The following NKX2-8 variants were observed in gnomAD, a reference collection of about 807,000 sequenced individuals.
NKX2-8 encodes the protein NK2 homeobox 8.
NKX2-8 carries 8 observed loss-of-function variants against 6.4 expected under a neutral mutation model. The observed-to-expected ratio is 1.24, with a 90% CI of 0.73 to 2.24. NKX2-8 has a LOEUF of 2.24. NKX2-8 is among the 30% of genes most tolerant of loss of function. NKX2-8 has a pLI of 0.00. For synonymous variants in NKX2-8, 216 were observed against 171.5 expected (o/e 1.26, Z -2.03); for missense variants, 406 against 351.1 (o/e 1.16, Z -1.25).
Position 36,581,391 on chromosome 14 carries a change from C to T in NKX2-8, c.231G>A (p.Pro77=). The stretch of plus-strand genomic sequence containing the variant: ...TCTTCCTTTTCTCGGCGTCCGAGCC[C>T]GGAGACGCGGGCCTAGCGGACGGCC... ...SQRPSARPAS[P]GSDAEKRKKR... The change falls in exon 2 of 2, where the codon CCG becomes CCA. Residue 77 remains proline, a synonymous_variant. Coordinates refer to ENST00000258829, the MANE Select transcript of NKX2-8 (RefSeq NM_014360.4). This position sits in a 1 kb window ranked among gnomAD's most constrained non-coding sequence, Gnocchi z 5.6. 1 of 1,595,742 alleles carries T rather than the reference C, an allele frequency of 6.3e-7. No individual in the cohort carries two copies. Among genetic ancestry groups the T allele is most frequent in the Non-Finnish European group, 8.5e-7 (1 of 1,171,808 alleles).
rs564328665 is a variant in NKX2-8, at chr14:36,582,305, C to G, written c.85G>C (p.Glu29Gln). The G allele has an allele frequency of 9.4e-5, 151 of 1,607,896 alleles. No homozygotes were observed. In the East Asian group the frequency reaches 3.1e-3, roughly 34 times the overall value. ...EQDAQHLPRR[E>Q]PEPRAPQPDP... ...GGCTGGGGGGCGCGTGGTTCTGGCTCCCGCCTCGGCAGGTGTTGCGCGTCC... is the reference window on the plus strand; with the variant it reads ...GGCTGGGGGGCGCGTGGTTCTGGCTGCCGCCTCGGCAGGTGTTGCGCGTCC... Residue 29 changes from glutamate (E) to glutamine (Q), a missense_variant, in exon 1 of 2, where the codon GAG (glutamate) becomes CAG (glutamine). Glu to Gln is a conservative substitution (Grantham distance 29, BLOSUM62 2). Coordinates refer to ENST00000258829, the MANE Select transcript of NKX2-8 (RefSeq NM_014360.4).
chr14:36,581,600 C>T lies in NKX2-8; in HGVS notation c.158-136G>A. 2.8e-6 allele frequency: 2 copies of T among 709,428 alleles called. No individual in the cohort carries two copies. Among genetic ancestry groups the T allele is most frequent in the South Asian group, 2.0e-5 (1 of 50,588 alleles). The allele number at this position is 709,428 out of a possible 1,614,324, so 43.9% of individuals were successfully genotyped here. A position where few individuals can be genotyped will look rare whatever the true frequency, so the allele number is the denominator to read the frequency against. ...CGAGACTTTCGGGATGAGGCCATTT[C>T]CTGAGTCCACATCTGGACATCCACC... On this transcript the variant is annotated intron_variant, in intron 1 of 1. Transcript: ENST00000258829. The surrounding 1 kb of genome is among the most constrained non-coding windows in gnomAD (Gnocchi z 5.6).
In NKX2-8 at chr14:36,582,503, T is replaced by G. The variant is rs1156307587; in HGVS notation, c.-114A>C. The G allele has an allele frequency of 3.8e-6, 4 of 1,052,506 alleles. No homozygotes were observed. The highest frequency in any genetic ancestry group is 1.7e-5 in the African/African-American group (1 of 60,588). The allele number at this position is 1,052,506 out of a possible 1,614,324, so 65.2% of individuals were successfully genotyped here. On this transcript the variant is annotated 5_prime_UTR_variant, in exon 1 of 2. Coordinates refer to ENST00000258829, the MANE Select transcript of NKX2-8 (RefSeq NM_014360.4). ...GCTCGCCATGCGCTGGCAGCCGGGA[T>G]ATTAGCGCATTTACAGCGGAATCTC...
chr14:36,581,091 G>T lies in NKX2-8; in HGVS notation c.531C>A (p.Asp177Glu), dbSNP rs770169979. 16 of 1,415,958 alleles carry T rather than the reference G, an allele frequency of 1.1e-5. No individual in the cohort carries two copies. Among genetic ancestry groups the T allele is most frequent in the Non-Finnish European group, 1.5e-5 (16 of 1,096,946 alleles). The allele number at this position is 1,415,958 out of a possible 1,614,324, so 87.7% of individuals were successfully genotyped here. A position where few individuals can be genotyped will look rare whatever the true frequency, so the allele number is the denominator to read the frequency against. Residue 177 changes from aspartate (D) to glutamate (E), a missense_variant, in exon 2 of 2, where the codon GAC (aspartate) becomes GAA (glutamate). Transcript: ENST00000258829. The surrounding 1 kb of genome is among the most constrained non-coding windows in gnomAD (Gnocchi z 5.6). Reference protein sequence around the residue: ...RRVVVPVLVRDGQPCGGGGGG... With the variant: ...RRVVVPVLVREGQPCGGGGGG... ...CGCCGCCGCCGCCGCACGGCTGCCCGTCGCGAACAAGCACCGGCACCACCA... is the reference window on the plus strand; with the variant it reads ...CGCCGCCGCCGCCGCACGGCTGCCCTTCGCGAACAAGCACCGGCACCACCA...
Position 36,581,575 on chromosome 14 carries a change from CGAGACTTTCGGGAT to C in NKX2-8, c.158-125_158-112del. ...TGGCCAGAGGGCACGCCCACTAGCC[CGAGACTTTCGGGAT>C]GAGGCCATTTCCTGAGTCCACATCT... On this transcript the variant is annotated intron_variant, in intron 1 of 1. Transcript: ENST00000258829. This position sits in a 1 kb window ranked among gnomAD's most constrained non-coding sequence, Gnocchi z 5.6. 1.1e-6 allele frequency: 1 copy of C among 946,122 alleles called. No homozygotes were observed. The highest frequency in any genetic ancestry group is 1.5e-6 in the Non-Finnish European group (1 of 645,716). 58.6% of individuals were successfully genotyped at this position (946,122 alleles called of 1,614,324 possible). A position where few individuals can be genotyped will look rare whatever the true frequency, so the allele number is the denominator to read the frequency against.
rs7158653 is a variant in NKX2-8, at chr14:36,582,379, G to C, written c.11C>G (p.Ser4Cys). Residue 4 changes from serine to cysteine, a missense_variant, in exon 1 of 2, where the codon TCT becomes TGT. Transcript: ENST00000258829. MAT[S>C]GRLSFTVRSL... is the part of the protein sequence containing the mutation. ...GCGCACGGTGAAGCTCAGGCGTCCAGAGGTGGCCATGGCCGAGGAGGGGAA... is the reference window on the plus strand; with the variant it reads ...GCGCACGGTGAAGCTCAGGCGTCCACAGGTGGCCATGGCCGAGGAGGGGAA... 2 of 1,526,748 alleles carry C rather than the reference G, an allele frequency of 1.3e-6. No homozygotes were observed. Among genetic ancestry groups the C allele is most frequent in the African/African-American group, 2.8e-5 (2 of 71,976 alleles). 94.6% of individuals were successfully genotyped at this position (1,526,748 alleles called of 1,614,324 possible). A position where few individuals can be genotyped will look rare whatever the true frequency, so the allele number is the denominator to read the frequency against.
rs1451801508 is a variant in NKX2-8, at chr14:36,581,729, G to C, written c.158-265C>G. ...GGGGCCCTCTTAACATGTCCGCACCGGTAGTTGCGCTGGCCGACCAGTTTA... is the reference window on the plus strand; with the variant it reads ...GGGGCCCTCTTAACATGTCCGCACCCGTAGTTGCGCTGGCCGACCAGTTTA... On this transcript the variant is annotated intron_variant, in intron 1 of 1. Coordinates refer to ENST00000258829, the MANE Select transcript of NKX2-8 (RefSeq NM_014360.4). The surrounding 1 kb of genome is among the most constrained non-coding windows in gnomAD (Gnocchi z 5.6). 1.3e-5 allele frequency among the ~76,000 whole-genome samples: 2 copies of C among 152,198 alleles called. 1 individual carries two copies. Among genetic ancestry groups the C allele is most frequent in the Middle Eastern group, 6.3e-3 (2 of 316 alleles).
chr14:36,581,006 AGGC>A lies in NKX2-8; in HGVS notation c.613_615del (p.Ala205del), dbSNP rs775463623. On this transcript the variant is annotated inframe_deletion, in exon 2 of 2. Coordinates refer to ENST00000258829, the MANE Select transcript of NKX2-8 (RefSeq NM_014360.4). This position sits in a 1 kb window ranked among gnomAD's most constrained non-coding sequence, Gnocchi z 5.6. ...AAGGCAGGGTAGCCCGGCAGAGGGC[AGGC>A]GGCGGCTGGAGGGGCGCCGCACTTC... The A allele has an allele frequency of 3.6e-5, 49 of 1,349,656 alleles. 1 individual carries two copies. The East Asian group carries it at 1.4e-3, about 38-fold the overall frequency. The allele number at this position is 1,349,656 out of a possible 1,614,324, so 83.6% of individuals were successfully genotyped here.
At position 36,580,733 on chromosome 14, in the gene NKX2-8, T is replaced by C. The variant is rs1190767225; in HGVS notation, c.*169A>G. The stretch of plus-strand genomic sequence containing the variant: ...AGGGGGCTCTGGCACACGTCCCTCG[T>C]GTGTGCTTGCGCGACGGCTGATGAG... On this transcript the variant is annotated 3_prime_UTR_variant, in exon 2 of 2. Transcript: ENST00000258829. 2.4e-6 allele frequency: 1 copy of C among 414,958 alleles called. No individual in the cohort carries two copies. Among genetic ancestry groups the C allele is most frequent in the East Asian group, 3.6e-5 (1 of 28,014 alleles). 25.7% of individuals were successfully genotyped at this position (414,958 alleles called of 1,614,324 possible).
Position 36,581,325 on chromosome 14 carries a change from C to T in NKX2-8, c.297G>A (p.Leu99=). The change falls in exon 2 of 2, where the codon TTG becomes TTA. Residue 99 remains leucine, a synonymous_variant. Coordinates refer to ENST00000258829, the MANE Select transcript of NKX2-8 (RefSeq NM_014360.4). This position sits in a 1 kb window ranked among gnomAD's most constrained non-coding sequence, Gnocchi z 5.6. ...VLFSKAQTLE[L]ERRFRQQRYL... ...ACCGCTGCTGCCGGAAGCGCCGCTC[C>T]AACTCCAGCGTCTGCGCCTTGGAGA... The T allele has an allele frequency of 6.3e-7, 1 of 1,582,226 alleles. No homozygotes were observed.
intron 1 of NKX2-8, 128 bp downstream of exon 1, chr14:36,582,105 C>T: frequency 9.1e-7 from 1 of 1,103,086 alleles, no homozygotes; most frequent in Non-Finnish European, 1.3e-6. Context: ...CTCCCGTTTC[C>T]AAGACTGAGG....
Position 36,582,472 on chromosome 14 carries a change from G to A in NKX2-8, c.-83C>T. ...GACGCCGCTCCTACGGATGGGCGTG[G>A]GAGGCGCTCGCCATGCGCTGGCAGC... On this transcript the variant is annotated 5_prime_UTR_variant, in exon 1 of 2. Transcript: ENST00000258829. 3.0e-6 allele frequency: 4 copies of A among 1,328,022 alleles called. No homozygotes were observed. The East Asian group carries it at 8.0e-5, about 27-fold the overall frequency. The allele number at this position is 1,328,022 out of a possible 1,614,324, so 82.3% of individuals were successfully genotyped here. A position where few individuals can be genotyped will look rare whatever the true frequency, so the allele number is the denominator to read the frequency against.
rs758271268 is a variant in NKX2-8, at chr14:36,582,369, C to G, written c.21G>C (p.Leu7=). MATSGR[L]SFTVRSLLDL... is the part of the protein sequence containing the mutation. ...CTAGAAGGCTGCGCACGGTGAAGCT[C>G]AGGCGTCCAGAGGTGGCCATGGCCG... Residue 7 remains leucine, a synonymous_variant, in exon 1 of 2, where the codon CTG becomes CTC. Coordinates refer to ENST00000258829, the MANE Select transcript of NKX2-8 (RefSeq NM_014360.4). 6.4e-7 allele frequency: 1 copy of G among 1,564,064 alleles called. No homozygotes were observed. The highest frequency in any genetic ancestry group is 8.7e-7 in the Non-Finnish European group (1 of 1,149,782).
chr14:36,581,942 G>T lies in NKX2-8; in HGVS notation c.157+291C>A, dbSNP rs1445758246. The stretch of plus-strand genomic sequence containing the variant: ...AGGGGGCGGGGGGTGGGGTGGGGGC[G>T]GCAGGTGGCGGCGCGTTTTAAATTT... On this transcript the variant is annotated intron_variant, in intron 1 of 1. Transcript: ENST00000258829. The surrounding 1 kb of genome is among the most constrained non-coding windows in gnomAD (Gnocchi z 5.6). 5.3e-5 allele frequency among the ~76,000 whole-genome samples: 8 copies of T among 151,744 alleles called. No homozygotes were observed. Among genetic ancestry groups the T allele is most frequent in the Non-Finnish European group, 1.2e-4 (8 of 67,922 alleles).
chr14:36,581,546 G>T lies in NKX2-8; in HGVS notation c.158-82C>A. Reference sequence around the variant, plus strand: ...CTGCCCTTCTGGCGCGGGCGTGGAGGCACTGGCCAGAGGGCACGCCCACTA... The same window carrying T: ...CTGCCCTTCTGGCGCGGGCGTGGAGTCACTGGCCAGAGGGCACGCCCACTA... On this transcript the variant is annotated intron_variant, in intron 1 of 1. Transcript: ENST00000258829. The surrounding 1 kb of genome is among the most constrained non-coding windows in gnomAD (Gnocchi z 5.6). 7.7e-7 allele frequency: 1 copy of T among 1,297,068 alleles called. No homozygotes were observed. Among genetic ancestry groups the T allele is most frequent in the Non-Finnish European group, 1.0e-6 (1 of 960,504 alleles). The allele number at this position is 1,297,068 out of a possible 1,614,324, so 80.3% of individuals were successfully genotyped here.
chr14:36,580,966 G>C lies in NKX2-8; in HGVS notation c.656C>G (p.Ala219Gly). The change falls in exon 2 of 2, where the codon GCG (alanine) becomes GGG (glycine). Residue 219 changes from alanine (A) to glycine (G), a missense_variant. Transcript: ENST00000258829. The part of the protein sequence containing the change: ...PGYPAFGPGS[A>G]LGLFPAYQHL... The stretch of plus-strand genomic sequence containing the variant: ...CTGGTAGGCGGGGAAGAGGCCAAGC[G>C]CCGAGCCGGGACCGAAGGCAGGGTA... The C allele has an allele frequency of 7.4e-7, 1 of 1,350,190 alleles. No individual in the cohort carries two copies. The allele number at this position is 1,350,190 out of a possible 1,614,324, so 83.6% of individuals were successfully genotyped here. A position where few individuals can be genotyped will look rare whatever the true frequency, so the allele number is the denominator to read the frequency against.
chr14:36,581,133 G>C lies in NKX2-8; in HGVS notation c.489C>G (p.Pro163=), dbSNP rs1214667908. The stretch of plus-strand genomic sequence containing the variant: ...GCACCACCACGCGACGCAGCAGGCC[G>C]GGCGCGGCGTGCAGCTCGGCGGATG... The part of the protein sequence containing the change: ...LAASAELHAA[P]GLLRRVVVPV... The change falls in exon 2 of 2, where the codon CCC becomes CCG. Residue 163 remains proline (P), a synonymous_variant. Transcript: ENST00000258829. The surrounding 1 kb of genome is among the most constrained non-coding windows in gnomAD (Gnocchi z 5.6). 1 of 1,527,094 alleles carries C rather than the reference G, an allele frequency of 6.5e-7. No individual in the cohort carries two copies. The highest frequency in any genetic ancestry group is 8.7e-7 in the Non-Finnish European group (1 of 1,146,808). 94.6% of individuals were successfully genotyped at this position (1,527,094 alleles called of 1,614,324 possible).
In NKX2-8 at chr14:36,582,473, G is replaced by A; in HGVS notation, c.-84C>T. 2 of 1,336,126 alleles carry A rather than the reference G, an allele frequency of 1.5e-6. No individual in the cohort carries two copies. Among genetic ancestry groups the A allele is most frequent in the South Asian group, 3.2e-5 (2 of 63,284 alleles). The allele number at this position is 1,336,126 out of a possible 1,614,324, so 82.8% of individuals were successfully genotyped here. On this transcript the variant is annotated 5_prime_UTR_variant, in exon 1 of 2. Coordinates refer to ENST00000258829, the MANE Select transcript of NKX2-8 (RefSeq NM_014360.4). Reference sequence around the variant, plus strand: ...ACGCCGCTCCTACGGATGGGCGTGGGAGGCGCTCGCCATGCGCTGGCAGCC... The same window carrying A: ...ACGCCGCTCCTACGGATGGGCGTGGAAGGCGCTCGCCATGCGCTGGCAGCC...
rs1594434091 is a variant in NKX2-8 at position 36,580,678 on chromosome 14, CTG to C, written c.*222_*223del. 2.5e-6 allele frequency: 1 copy of C among 396,540 alleles called. No individual in the cohort carries two copies. The highest frequency in any genetic ancestry group is 3.6e-5 in the East Asian group (1 of 27,880). The allele number at this position is 396,540 out of a possible 1,614,324, so 24.6% of individuals were successfully genotyped here. A position where few individuals can be genotyped will look rare whatever the true frequency, so the allele number is the denominator to read the frequency against. ...TAAGGCCCAAGCATAAAATCTAACT[CTG>C]GGGCTGGCGGTGGAGGGAAGGTGAG... On this transcript the variant is annotated 3_prime_UTR_variant, in exon 2 of 2. Transcript: ENST00000258829.
Sources: allele counts gnomAD v4.1 joint callset (sites outside exome capture counted in the v4.1 genomes callset), GRCh38; gene constraint gnomAD v4.1.1; non-coding constraint Gnocchi (gnomAD v3.1); transcripts MANE v1.5; gene names NCBI Gene and HGNC (gene_info 2026-07-23, HGNC 2026-07-21).